Variants in PCSK6 observed in about 807,000 individuals in gnomAD.
PCSK6 encodes proprotein convertase subtilisin/kexin type 6.
In PCSK6, 85 loss-of-function variants were observed where a neutral mutation model predicts 123.3. The observed-to-expected ratio is 0.69, with a 90% confidence interval of 0.58 to 0.83. The LOEUF (loss-of-function observed/expected upper bound fraction) is 0.83. Among genes scored for constraint, PCSK6 ranks in the 40% least tolerant of loss-of-function variants. PCSK6 has a pLI of 0.00. For missense variants in PCSK6, 1,191 were observed against 1,282.3 expected (o/e 0.93, Z 1.09); for synonymous variants, 508 against 516.0 (o/e 0.98, Z 0.21).
At chr15:101,445,857 G>T (rs376691679) in intron 1 of PCSK6, among the ~76,000 whole-genome samples, 11 of 152,326 alleles carry the variant, frequency 7.2e-5, no homozygotes, top group African/African-American at 2.6e-4. Context: ...TGACAGGGGG[G>T]CCTGGAAGCC....
intron 21 of PCSK6, 72 bp downstream of exon 21, chr15:101,307,141 T>C: frequency 8.6e-7 from 1 of 1,158,268 alleles, no homozygotes; most frequent in Non-Finnish European, 1.3e-6. Context: ...GCTTTGCTTT[T>C]CTCTTTGGAG....
chr15:101,465,768 C>G (rs2057444936), intron 1 of PCSK6, among the ~76,000 whole-genome samples: 1 of 152,068 alleles, frequency 6.6e-6, no homozygotes, highest in African/African-American at 2.4e-5. Flanking sequence ...GGACTTAAAT[C>G]AGTTAAGTAT....
At chr15:101,350,756 C>T (rs1398026696) in intron 13 of PCSK6, among the ~76,000 whole-genome samples, 1 of 152,094 alleles carries the variant, frequency 6.6e-6, no homozygotes, top group Non-Finnish European at 1.5e-5. Context: ...GCACGTTGAG[C>T]CTTGGTCCTG....
intron 15 of PCSK6, among the ~76,000 whole-genome samples, chr15:101,330,748 A>G (rs1281806419): frequency 6.6e-6 from 1 of 152,230 alleles, no homozygotes; most frequent in East Asian, 1.9e-4. Context: ...ATTTTAAGAA[A>G]AAAATCAGTT....
chr15:101,405,949 G>A (rs1362081867), intron 6 of PCSK6, among the ~76,000 whole-genome samples: 1 of 152,108 alleles, frequency 6.6e-6, no homozygotes, highest in Non-Finnish European at 1.5e-5. Flanking sequence ...CGCCATGCTG[G>A]CCAGGCTGGT....
At chr15:101,480,257 G>A (rs190670671) in intron 1 of PCSK6, among the ~76,000 whole-genome samples, 3 of 152,340 alleles carry the variant, frequency 2.0e-5, no homozygotes, top group African/African-American at 4.8e-5. Flanking sequence ...AAGAGCCCCC[G>A]AGGAAGATTA....
chr15:101,447,624 C>A (rs971693464), intron 1 of PCSK6, among the ~76,000 whole-genome samples: 1 of 152,192 alleles, frequency 6.6e-6, no homozygotes, highest in South Asian at 2.1e-4. Flanking sequence ...AGGAAGGGGG[C>A]GGCCTAAAGA....
In PCSK6 at chr15:101,432,156, T is replaced by C. The variant is rs2056467051; in HGVS notation, c.403-56A>G. On this transcript the variant is annotated intron_variant, in intron 2 of 21. Coordinates refer to ENST00000611716, the MANE Select transcript of PCSK6 (RefSeq NM_002570.5). Reference sequence around the variant, plus strand: ...TTAGAAATGATTTCTTGATTTTATGTAGCCTCTTTGCAGGTGCTACAGCCT... The same window carrying C: ...TTAGAAATGATTTCTTGATTTTATGCAGCCTCTTTGCAGGTGCTACAGCCT... 2.8e-6 allele frequency: 4 copies of C among 1,440,008 alleles called. No individual in the cohort carries two copies. The East Asian group carries it at 9.7e-5, about 35-fold the overall frequency. The allele number at this position is 1,440,008 out of a possible 1,614,324, so 89.2% of individuals were successfully genotyped here.
intron 6 of PCSK6, among the ~76,000 whole-genome samples, chr15:101,404,117 T>A (rs1411038207): frequency 6.6e-6 from 1 of 152,244 alleles, no homozygotes; most frequent in Admixed American, 6.5e-5. Flanking sequence ...GTATGCCTGG[T>A]CTTCTCACTG....
chr15:101,393,095 G>C, intron 8 of PCSK6, 117 bp downstream of exon 8: 1 of 878,272 alleles, frequency 1.1e-6, no homozygotes, highest in Non-Finnish European at 1.8e-6. Flanking sequence ...TGGGACCCTG[G>C]GATCCGGAAC....
intron 3 of PCSK6, 24 bp downstream of exon 3, chr15:101,431,966 A>G (rs2056460148): frequency 6.5e-7 from 1 of 1,537,364 alleles, no homozygotes; most frequent in African/African-American, 1.4e-5. Context: ...GTCCTGGGGC[A>G]GACAGAGGTC....
At chr15:101,448,412 G>A (rs1447356841) in intron 1 of PCSK6, among the ~76,000 whole-genome samples, 1 of 151,708 alleles carries the variant, frequency 6.6e-6, no homozygotes, top group East Asian at 1.9e-4. Context: ...ATGTGCACAT[G>A]ATACAAAACA....
intron 1 of PCSK6, among the ~76,000 whole-genome samples, chr15:101,470,009 G>C (rs1057460561): frequency 6.6e-6 from 1 of 152,124 alleles, no homozygotes; most frequent in Non-Finnish European, 1.5e-5. Flanking sequence ...TGCTCACTTC[G>C]GGACTGGCAT....
At chr15:101,328,924 C>A (rs2040316833) in intron 15 of PCSK6, among the ~76,000 whole-genome samples, 1 of 152,258 alleles carries the variant, frequency 6.6e-6, no homozygotes, top group Admixed American at 6.5e-5. Context: ...AATCACTCCA[C>A]CGCCTGAGCG....
At chr15:101,372,412 C>T (rs187587648) in intron 11 of PCSK6, among the ~76,000 whole-genome samples, 9 of 152,370 alleles carry the variant, frequency 5.9e-5, no homozygotes, top group Admixed American at 3.3e-4. Flanking sequence ...GTAATTCCCT[C>T]GGAGACTCTG....
At chr15:101,346,630 CA>C (rs2040736920) in intron 13 of PCSK6, 3 of 532,442 alleles carry the variant, frequency 5.6e-6, no homozygotes, top group South Asian at 1.0e-4. Context: ...CCGAACCATG[CA>C]GGCAACAGGA....
At chr15:101,339,932 T>C (rs933882238) in intron 13 of PCSK6, among the ~76,000 whole-genome samples, 1 of 149,580 alleles carries the variant, frequency 6.7e-6, no homozygotes, top group Non-Finnish European at 1.5e-5. Flanking sequence ...TATATATATA[T>C]AAAATTACAC....
At chr15:101,311,700 C>G (rs1596166275) in intron 20 of PCSK6, among the ~76,000 whole-genome samples, 1 of 88,952 alleles carries the variant, frequency 1.1e-5, no homozygotes, top group Non-Finnish European at 2.2e-5. Flanking sequence ...TCACAGCCCA[C>G]CCCATCGTCA....
At chr15:101,348,091 G>A (rs1250114181) in intron 13 of PCSK6, among the ~76,000 whole-genome samples, 1 of 152,234 alleles carries the variant, frequency 6.6e-6, no homozygotes, top group African/African-American at 2.4e-5. Flanking sequence ...CCAGATGCTG[G>A]GGAGGCCTGA....
Sources: gnomAD v4.1 joint callset for allele counts (sites outside exome capture counted in the v4.1 genomes callset) on GRCh38, gnomAD v4.1.1 for gene constraint, MANE v1.5 for transcripts, NCBI Gene and HGNC (gene_info 2026-07-23, HGNC 2026-07-21) for gene names.